Variants in PDE1C observed in about 807,000 individuals in gnomAD.
PDE1C encodes phosphodiesterase 1C.
PDE1C carries 62 observed loss-of-function variants against 93.1 expected under a neutral mutation model. That is an observed-to-expected ratio of 0.67 (90% CI 0.54 to 0.82). The LOEUF (loss-of-function observed/expected upper bound fraction) is 0.82. Ranked by LOEUF, PDE1C falls within the 40% of genes least tolerant of loss-of-function variation. The pLI, the probability that PDE1C is intolerant of heterozygous loss-of-function variation, is 0.00. For missense variants in PDE1C, 742 were observed against 884.6 expected (o/e 0.84, Z 2.04); for synonymous variants, 325 against 310.1 (o/e 1.05, Z -0.50).
chr7:32,288,576 C>T lies in PDE1C; in HGVS notation c.85+10075G>A, dbSNP rs572827444. Among the ~76,000 whole-genome samples the T allele has an allele frequency of 3.9e-5, 6 of 152,298 alleles. No homozygotes were observed. The South Asian group carries it at 1.2e-3, about 32-fold the overall frequency. On this transcript the variant is annotated intron_variant, in intron 1 of 18. Coordinates refer to the PDE1C transcript ENST00000396193. Reference sequence around the variant, plus strand: ...GCCCAGCAGATGGTTGGGATCTAGTCTGGCTCAAGTGCTGCTGGTTCCCTC... The same window carrying T: ...GCCCAGCAGATGGTTGGGATCTAGTTTGGCTCAAGTGCTGCTGGTTCCCTC...
chr7:31,993,897 G>T (rs1482068953), intron 2 of PDE1C, among the ~76,000 whole-genome samples: 1 of 152,040 alleles, frequency 6.6e-6, no homozygotes, highest in Non-Finnish European at 1.5e-5. Flanking sequence ...AATAGCCCTG[G>T]GTTTTCCCTT....
chr7:31,848,070 T>C lies in PDE1C; in HGVS notation c.878A>G (p.Asp293Gly). The C allele has an allele frequency of 1.9e-6, 3 of 1,613,018 alleles. No individual in the cohort carries two copies. Among genetic ancestry groups the C allele is most frequent in the Non-Finnish European group, 1.7e-6 (2 of 1,179,418 alleles). The change falls in exon 9 of 18, where the codon GAC (aspartate) becomes GGC (glycine). Residue 293 changes from aspartate (D) to glycine (G), a missense_variant. Physicochemically the swap from Asp to Gly is moderately conservative, Grantham distance 94. Transcript: ENST00000396191. ...ATGGTGATTCTCCAGTACAGATCTG[T>C]CATTATACAGAATAGCTGGATCAGA... Reference protein sequence around the residue: ...TRSDPAILYNDRSVLENHHLS... With the variant: ...TRSDPAILYNGRSVLENHHLS...
At chr7:31,897,232 A>T (rs1666699037) in intron 2 of PDE1C, among the ~76,000 whole-genome samples, 1 of 152,226 alleles carries the variant, frequency 6.6e-6, no homozygotes, top group Non-Finnish European at 1.5e-5. Context: ...ATGCAGGTGC[A>T]GTCAGGGAAG....
At chr7:31,946,152 T>C (rs1371461657) in intron 2 of PDE1C, among the ~76,000 whole-genome samples, 2 of 152,182 alleles carry the variant, frequency 1.3e-5, no homozygotes, top group African/African-American at 4.8e-5. Context: ...TCCCAACATC[T>C]GTGTAATATT....
At chr7:32,368,557 T>C (rs996399028) in intron 1 of PDE1C, among the ~76,000 whole-genome samples, 6 of 152,158 alleles carry the variant, frequency 3.9e-5, no homozygotes, top group Non-Finnish European at 7.4e-5. Flanking sequence ...AGAATTAATA[T>C]TGTTAAAATG....
the PDE1C span, among the ~76,000 whole-genome samples, chr7:31,694,939 G>C: frequency 2.0e-5 from 3 of 152,108 alleles, no homozygotes; most frequent in Non-Finnish European, 4.4e-5. Flanking sequence ...AGCCAGGAAC[G>C]GTGAAAAGAC....
intron 1 of PDE1C, among the ~76,000 whole-genome samples, chr7:32,387,141 A>C (rs940186095): frequency 7.3e-5 from 11 of 151,416 alleles, no homozygotes; most frequent in African/African-American, 2.7e-4. Flanking sequence ...CCCTTAATCC[A>C]TTTAACCCTG....
At chr7:32,110,104 C>G (rs192393620) in intron 3 of PDE1C, among the ~76,000 whole-genome samples, 3 of 152,260 alleles carry the variant, frequency 2.0e-5, no homozygotes, top group African/African-American at 7.2e-5. Context: ...TGGGTCAAAT[C>G]CAGCCTGCTA....
At chr7:31,668,528 CA>C in the PDE1C span, among the ~76,000 whole-genome samples, 2 of 151,930 alleles carry the variant, frequency 1.3e-5, no homozygotes, top group Non-Finnish European at 2.9e-5. Context: ...TCTACTACAA[CA>C]ATGTGGATAA....
the PDE1C span, among the ~76,000 whole-genome samples, chr7:31,703,448 A>C: frequency 6.6e-6 from 1 of 152,216 alleles, no homozygotes; most frequent in Non-Finnish European, 1.5e-5. Context: ...TGGGGTGGGA[A>C]GGGGGAGAGG....
chr7:31,767,599 G>C (rs1186302888), intron 17 of PDE1C, among the ~76,000 whole-genome samples: 1 of 152,202 alleles, frequency 6.6e-6, no homozygotes, highest in African/African-American at 2.4e-5. Flanking sequence ...CTCAGTCTCA[G>C]GTAGTTCTTT....
At chr7:31,778,910 T>C (rs978132358) in intron 16 of PDE1C, among the ~76,000 whole-genome samples, 5 of 152,198 alleles carry the variant, frequency 3.3e-5, no homozygotes, top group African/African-American at 1.2e-4. Context: ...GTCAAGATCA[T>C]TCAAAGTTCA....
At chr7:32,032,154 CAT>C (rs1408814036) in intron 2 of PDE1C, among the ~76,000 whole-genome samples, 2 of 152,146 alleles carry the variant, frequency 1.3e-5, no homozygotes, top group African/African-American at 4.8e-5. Context: ...GTTATAATCA[CAT>C]GTGTTCTAGA....
chr7:31,962,980 T>C (rs1262196057), intron 2 of PDE1C, among the ~76,000 whole-genome samples: 1 of 152,226 alleles, frequency 6.6e-6, no homozygotes, highest in Non-Finnish European at 1.5e-5. Context: ...TTTAGCCCCT[T>C]TAAAAAATAT....
At chr7:31,995,995 G>A (rs887204917) in intron 2 of PDE1C, among the ~76,000 whole-genome samples, 1 of 151,766 alleles carries the variant, frequency 6.6e-6, no homozygotes, top group Non-Finnish European at 1.5e-5. Context: ...TACTCCGAGA[G>A]GGACATCTGT....
At chr7:32,069,580 T>C (rs939396082) in intron 1 of PDE1C, among the ~76,000 whole-genome samples, 3 of 152,108 alleles carry the variant, frequency 2.0e-5, no homozygotes, top group Admixed American at 1.3e-4. Flanking sequence ...GAAAATACCA[T>C]GTATTTTCAG....
intron 2 of PDE1C, among the ~76,000 whole-genome samples, chr7:31,924,875 A>G (rs1057218271): frequency 6.6e-6 from 1 of 152,212 alleles, no homozygotes; most frequent in South Asian, 2.1e-4. Flanking sequence ...CATTTACATA[A>G]AAGTAGAGCT....
intron 1 of PDE1C, among the ~76,000 whole-genome samples, chr7:32,410,679 TGA>T (rs1218239585): frequency 6.9e-6 from 1 of 144,660 alleles, no homozygotes; most frequent in Non-Finnish European, 1.5e-5. Context: ...GATCAGAAGC[TGA>T]GAGAAGAGAG....
At chr7:32,007,070 C>CA (rs1201288031) in intron 2 of PDE1C, among the ~76,000 whole-genome samples, 1 of 152,212 alleles carries the variant, frequency 6.6e-6, no homozygotes, top group African/African-American at 2.4e-5. Context: ...CATTTAAGTA[C>CA]ATGCACCATG....
Sources: allele counts gnomAD v4.1 joint callset (sites outside exome capture counted in the v4.1 genomes callset), GRCh38; gene constraint gnomAD v4.1.1; transcripts MANE v1.5; gene names NCBI Gene and HGNC (gene_info 2026-07-23, HGNC 2026-07-21).